The following SYN3 variants were observed in gnomAD, a reference collection of about 807,000 sequenced individuals.
SYN3 encodes the protein synapsin-3.
SYN3 carries 35 observed loss-of-function variants against 65.8 expected under a neutral mutation model. That is an observed-to-expected ratio of 0.53 (90% CI 0.41 to 0.70). The LOEUF (loss-of-function observed/expected upper bound fraction) is 0.70. SYN3 is among the 30% of genes least tolerant of loss of function. The probability of loss-of-function intolerance (pLI) is 0.00; values close to 1 mark genes in which losing one functional copy is unlikely to be tolerated. For synonymous variants in SYN3, 270 were observed against 292.9 expected, an observed-to-expected ratio of 0.92 and a Z score of 0.80; for missense variants, 680 against 749.0, an observed-to-expected ratio of 0.91 and a Z score of 1.08.
rs116009669 is a variant in SYN3 at position 32,906,301 on chromosome 22, C to T, written c.461+25089G>A. 3.0e-3 allele frequency among the ~76,000 whole-genome samples: 451 copies of T among 152,168 alleles called. 3 individuals carry two copies. Among genetic ancestry groups the T allele is most frequent in the African/African-American group, 0.01 (433 of 41,496 alleles). ...GCCTCAAACACAATGAATCAAGATC[C>T]CCTGGAGTGGGGAACAGGAACCTGC... On this transcript the variant is annotated intron_variant, in intron 4 of 13. Coordinates refer to ENST00000358763, the MANE Select transcript of SYN3 (RefSeq NM_003490.4).
In SYN3 at chr22:32,665,062, C is replaced by T. The variant is rs982506165; in HGVS notation, c.712-68326G>A. Among the ~76,000 whole-genome samples the T allele has an allele frequency of 8.3e-4, 117 of 140,546 alleles. 1 individual carries two copies. The highest frequency in any genetic ancestry group is 2.9e-3 in the African/African-American group (113 of 38,376). The allele number at this position is 140,546 out of a possible 152,430, so 92.2% of individuals were successfully genotyped here. On this transcript the variant is annotated intron_variant, in intron 6 of 13. Coordinates refer to ENST00000358763, the MANE Select transcript of SYN3 (RefSeq NM_003490.4). Reference sequence around the variant, plus strand: ...CACCCAGGTTAGAGTGCAGTGGTGCCATCCCGGCTCACCACAACCTCTGCC... The same window carrying T: ...CACCCAGGTTAGAGTGCAGTGGTGCTATCCCGGCTCACCACAACCTCTGCC...
chr22:32,955,803 G>A (rs1032272633), intron 3 of SYN3, among the ~76,000 whole-genome samples: 1 of 151,916 alleles, frequency 6.6e-6, no homozygotes, highest in Non-Finnish European at 1.5e-5. Context: ...AATCTGGGTG[G>A]GCACCATCTA....
chr22:33,056,583 C>G (rs2054257747), intron 1 of SYN3, among the ~76,000 whole-genome samples: 1 of 152,242 alleles, frequency 6.6e-6, no homozygotes, highest in Non-Finnish European at 1.5e-5. Context: ...ATTGAGACCT[C>G]TCTTGCACTG....
In SYN3 at chr22:32,509,307, C is replaced by T. The variant is rs1601527237; in HGVS notation, c.*4385G>A. Among the ~76,000 whole-genome samples the T allele has an allele frequency of 6.6e-6, 1 of 152,140 alleles. No homozygotes were observed. Among genetic ancestry groups the T allele is most frequent in the East Asian group, 1.9e-4 (1 of 5,198 alleles). On this transcript the variant is annotated 3_prime_UTR_variant, in exon 14 of 14. Transcript: ENST00000358763. ...CCCGAGTCAGCTTGGAGGGAAAATG[C>T]TAGCCTCTCTCTGGCTCAAAGTTGT...
At chr22:32,710,794 A>T (rs2060953694) in intron 6 of SYN3, among the ~76,000 whole-genome samples, 1 of 152,026 alleles carries the variant, frequency 6.6e-6, no homozygotes, top group South Asian at 2.1e-4. Context: ...AGATGCCAGC[A>T]TCATGCTTCC....
At chr22:32,930,307 A>G (rs2050592557) in intron 4 of SYN3, among the ~76,000 whole-genome samples, 1 of 152,128 alleles carries the variant, frequency 6.6e-6, no homozygotes, top group Admixed American at 6.6e-5. Context: ...GGTTTTATAA[A>G]GGGGAGTTTC....
intron 4 of SYN3, among the ~76,000 whole-genome samples, chr22:32,930,752 A>G (rs1475014854): frequency 6.6e-6 from 1 of 152,190 alleles, no homozygotes; most frequent in Non-Finnish European, 1.5e-5. Context: ...GTACTTAACT[A>G]GATAGCAATG....
At chr22:32,726,035 T>A (rs539033816) in intron 6 of SYN3, among the ~76,000 whole-genome samples, 1 of 152,292 alleles carries the variant, frequency 6.6e-6, no homozygotes, top group Admixed American at 6.5e-5. Context: ...TAGGACAGGG[T>A]CTTGGAGAAA....
chr22:32,597,204 C>CTT (rs6147592), intron 6 of SYN3, among the ~76,000 whole-genome samples: 949 of 87,322 alleles, frequency 0.011, 119 homozygotes, highest in Non-Finnish European at 0.015. Context: ...ACATTATTCT[C>CTT]TTTTTTTTTT....
intron 1 of SYN3, among the ~76,000 whole-genome samples, chr22:33,021,555 T>G (rs574701416): frequency 6.6e-6 from 1 of 152,214 alleles, no homozygotes; most frequent in East Asian, 1.9e-4. Context: ...TGAATTCCAG[T>G]GATTGAACTT....
intron 7 of SYN3, among the ~76,000 whole-genome samples, chr22:32,550,501 A>T (rs1183570933): frequency 1.3e-5 from 2 of 152,096 alleles, no homozygotes; most frequent in Admixed American, 6.5e-5. Context: ...GCTATTTTAA[A>T]CCATGATAAT....
At chr22:32,740,878 GA>G (rs2061395561) in intron 6 of SYN3, among the ~76,000 whole-genome samples, 1 of 152,208 alleles carries the variant, frequency 6.6e-6, no homozygotes, top group Admixed American at 6.5e-5. Flanking sequence ...AGTATCCAAA[GA>G]AGGATCAAAT....
At chr22:32,563,487 G>A (rs5998541) in intron 7 of SYN3, among the ~76,000 whole-genome samples, 38,671 of 152,076 alleles carry the variant, frequency 0.25, 5,202 homozygotes, top group Admixed American at 0.34. Context: ...TAGGACACTC[G>A]TGGAAGATAA....
At chr22:32,803,880 C>T (rs542529409) in intron 6 of SYN3, among the ~76,000 whole-genome samples, 1 of 152,270 alleles carries the variant, frequency 6.6e-6, no homozygotes, top group East Asian at 1.9e-4. Flanking sequence ...CCCCATTCTT[C>T]CCCCTTGCCC....
chr22:32,976,385 A>G (rs1191957086), intron 3 of SYN3, among the ~76,000 whole-genome samples: 1 of 152,162 alleles, frequency 6.6e-6, no homozygotes, highest in Non-Finnish European at 1.5e-5. Flanking sequence ...AACACGGAGG[A>G]AAGACTGGCC....
At chr22:32,527,855 C>A in intron 12 of SYN3, 63 bp downstream of exon 12, 1 of 1,379,638 alleles carries the variant, frequency 7.2e-7, no homozygotes, top group South Asian at 1.3e-5. Context: ...ACATGTGGAT[C>A]CCTCGGTGCA....
intron 6 of SYN3, among the ~76,000 whole-genome samples, chr22:32,608,068 A>C (rs930322196): frequency 2.0e-5 from 3 of 152,174 alleles, no homozygotes; most frequent in Admixed American, 6.5e-5. Context: ...CTTTTAAAAA[A>C]AGTATTTATT....
chr22:32,795,443 G>A (rs1356508410), intron 6 of SYN3, among the ~76,000 whole-genome samples: 1 of 152,170 alleles, frequency 6.6e-6, no homozygotes, highest in Non-Finnish European at 1.5e-5. Flanking sequence ...ACCCCGGAGG[G>A]GACTGAGGGG....
intron 6 of SYN3, among the ~76,000 whole-genome samples, chr22:32,678,180 T>C (rs1171994661): frequency 6.6e-6 from 1 of 152,136 alleles, no homozygotes; most frequent in African/African-American, 2.4e-5. Context: ...GGTGTTGTAA[T>C]GGTCACAGCC....
Sources: allele counts gnomAD v4.1 joint callset (sites outside exome capture counted in the v4.1 genomes callset), GRCh38; gene constraint gnomAD v4.1.1; transcripts MANE v1.5; gene names NCBI Gene and HGNC (gene_info 2026-07-23, HGNC 2026-07-21).